Variants in SGCZ observed in about 807,000 individuals in gnomAD.
SGCZ encodes sarcoglycan zeta.
Under a neutral mutation model 41.3 loss-of-function variants are expected in SGCZ, and 40 were observed. The ratio of observed to expected loss-of-function variants is 0.97; its 90% CI spans 0.75 to 1.26. SGCZ has a LOEUF of 1.26. SGCZ is among the 50% of genes most tolerant of loss of function. The pLI is 0.00. For synonymous variants in SGCZ, 206 were observed against 137.5 expected (o/e 1.50, Z -3.49); for missense variants, 552 against 369.8 (o/e 1.49, Z -4.04).
intron 2 of SGCZ, among the ~76,000 whole-genome samples, chr8:14,428,127 CACACACATAT>C (rs1467438512): frequency 2.9e-3 from 20 of 6,804 alleles, no homozygotes; most frequent in African/African-American, 3.6e-3. Flanking sequence ...CACACACACA[CACACACATAT>C]ATATATATAT....
chr8:14,200,756 C>G (rs1396447478), intron 4 of SGCZ, among the ~76,000 whole-genome samples: 1 of 152,050 alleles, frequency 6.6e-6, no homozygotes, highest in Admixed American at 6.6e-5. Flanking sequence ...ATCTTATTAA[C>G]TATGGCACCC....
chr8:14,562,480 A>C (rs916170976), intron 1 of SGCZ, among the ~76,000 whole-genome samples: 8 of 152,186 alleles, frequency 5.3e-5, no homozygotes, highest in Admixed American at 2.0e-4. Flanking sequence ...TATAATGTTA[A>C]TTAGTGATAG....
At chr8:15,010,201 A>G (rs1253639766) in intron 1 of SGCZ, among the ~76,000 whole-genome samples, 1 of 152,248 alleles carries the variant, frequency 6.6e-6, no homozygotes, top group Non-Finnish European at 1.5e-5. Flanking sequence ...TTTGTTTTAC[A>G]TATAAAAATA....
chr8:14,822,417 G>A (rs1481229143), intron 1 of SGCZ, among the ~76,000 whole-genome samples: 2 of 152,026 alleles, frequency 1.3e-5, no homozygotes, highest in Non-Finnish European at 2.9e-5. Flanking sequence ...ACCACCCAAA[G>A]TGATCTACAA....
chr8:14,557,190 T>C (rs1182044323), intron 1 of SGCZ, among the ~76,000 whole-genome samples: 2 of 152,054 alleles, frequency 1.3e-5, no homozygotes, highest in Admixed American at 1.3e-4. Context: ...ATTTGTGATG[T>C]TAAGCATTTT....
At chr8:14,471,189 T>A (rs1585559336) in intron 2 of SGCZ, among the ~76,000 whole-genome samples, 1 of 152,316 alleles carries the variant, frequency 6.6e-6, no homozygotes, top group South Asian at 2.1e-4. Context: ...CAATTTAATA[T>A]TTGTCAAAAC....
chr8:14,350,515 T>A (rs912630709), intron 2 of SGCZ, among the ~76,000 whole-genome samples: 1 of 152,070 alleles, frequency 6.6e-6, no homozygotes, highest in African/African-American at 2.4e-5. Context: ...TTCCAGGAAT[T>A]GCCTAAGCTG....
intron 1 of SGCZ, among the ~76,000 whole-genome samples, chr8:14,861,961 C>A (rs1317513048): frequency 6.6e-6 from 1 of 151,786 alleles, no homozygotes; most frequent in African/African-American, 2.4e-5. Flanking sequence ...TCTTTGCTTC[C>A]ACTATAAAGG....
rs370983352 is a variant in SGCZ, at chr8:15,213,447, T to C, written c.39+24138A>G. ...ACATTAAAAAGCCAAATAAAAAAGA[T>C]GTATATTTGAGAAAAAAATGATTTT... is the stretch of plus-strand genomic sequence containing the variant. On this transcript the variant is annotated intron_variant, in intron 1 of 7. Transcript: ENST00000382080. Among the ~76,000 whole-genome samples the C allele has an allele frequency of 5.9e-5, 9 of 151,664 alleles. No individual in the cohort carries two copies. The East Asian group carries it at 1.2e-3, about 20-fold the overall frequency.
chr8:14,134,334 A>G (rs763408214), intron 5 of SGCZ, among the ~76,000 whole-genome samples: 2 of 152,196 alleles, frequency 1.3e-5, no homozygotes, highest in Non-Finnish European at 2.9e-5. Flanking sequence ...GAGCCAGTAC[A>G]TGTATCATGA....
At chr8:14,218,703 G>C (rs531929203) in intron 4 of SGCZ, among the ~76,000 whole-genome samples, 1 of 152,184 alleles carries the variant, frequency 6.6e-6, no homozygotes, top group Non-Finnish European at 1.5e-5. Context: ...TGATGTTAGA[G>C]AGCAAACTCC....
At chr8:14,807,814 T>C (rs932780379) in intron 1 of SGCZ, among the ~76,000 whole-genome samples, 1 of 152,188 alleles carries the variant, frequency 6.6e-6, no homozygotes, top group Non-Finnish European at 1.5e-5. Context: ...GGCATCACAC[T>C]ATCTGACTTC....
At position 14,865,227 on chromosome 8, in the gene SGCZ, C is replaced by T. The variant is rs1021610093; in HGVS notation, c.40-310301G>A. Among the ~76,000 whole-genome samples the T allele has an allele frequency of 2.6e-5, 4 of 152,212 alleles. No individual in the cohort carries two copies. The South Asian group carries it at 6.2e-4, about 24-fold the overall frequency. On this transcript the variant is annotated intron_variant, in intron 1 of 7. Transcript: ENST00000382080. ...CTTCACCTCCTGCATCTCCTCTCAA[C>T]GTCCTGCGTCCAGGTCTCTTCTGCC... is the stretch of plus-strand genomic sequence containing the variant.
chr8:15,209,978 C>G lies in SGCZ; in HGVS notation c.39+27607G>C, dbSNP rs146055880. ...ATGGAGTTTCTGGGAGGGATTTACT[C>G]ACACTATTTAAAAAATCATTTCTCT... is the stretch of plus-strand genomic sequence containing the variant. On this transcript the variant is annotated intron_variant, in intron 1 of 7. Coordinates refer to ENST00000382080, the MANE Select transcript of SGCZ (RefSeq NM_139167.4). Among the ~76,000 whole-genome samples the G allele has an allele frequency of 3.4e-4, 52 of 152,164 alleles. 1 individual carries two copies. The highest frequency in any genetic ancestry group is 1.3e-3 in the African/African-American group (52 of 41,540).
chr8:14,156,802 C>T (rs944465837), intron 5 of SGCZ, among the ~76,000 whole-genome samples: 11 of 152,250 alleles, frequency 7.2e-5, no homozygotes, highest in Admixed American at 6.5e-4. Flanking sequence ...TGTCTTCCAG[C>T]TCCACATCTT....
intron 1 of SGCZ, among the ~76,000 whole-genome samples, chr8:15,192,089 TTC>T (rs1800560946): frequency 6.6e-6 from 1 of 152,108 alleles, no homozygotes; most frequent in African/African-American, 2.4e-5. Context: ...GTGTTTTTAC[TTC>T]TGTTATGGTA....
At chr8:14,648,235 G>C (rs939290608) in intron 1 of SGCZ, among the ~76,000 whole-genome samples, 1 of 152,008 alleles carries the variant, frequency 6.6e-6, no homozygotes, top group Non-Finnish European at 1.5e-5. Flanking sequence ...AACAGATAGG[G>C]TTAGTACTAT....
intron 2 of SGCZ, among the ~76,000 whole-genome samples, chr8:14,472,215 A>C (rs1299238781): frequency 6.6e-6 from 1 of 152,108 alleles, no homozygotes; most frequent in Admixed American, 6.6e-5. Flanking sequence ...AATTCTCAGT[A>C]ATCTTTTTGA....
chr8:14,190,783 T>C (rs1282934539), intron 4 of SGCZ, among the ~76,000 whole-genome samples: 1 of 151,886 alleles, frequency 6.6e-6, no homozygotes, highest in Non-Finnish European at 1.5e-5. Context: ...TTTATATTTT[T>C]AGTAGAGACG....
Sources: gnomAD v4.1 joint callset for allele counts (sites outside exome capture counted in the v4.1 genomes callset) on GRCh38, gnomAD v4.1.1 for gene constraint, MANE v1.5 for transcripts, NCBI Gene and HGNC (gene_info 2026-07-23, HGNC 2026-07-21) for gene names.